The following MADD variants were observed in gnomAD, a reference collection of about 807,000 sequenced individuals.
The protein encoded by MADD is MAP kinase-activating death domain protein.
Under a neutral mutation model 176.7 loss-of-function variants are expected in MADD, and 109 were observed. That is an observed-to-expected ratio of 0.62 (90% CI 0.53 to 0.72). MADD has a LOEUF of 0.72. MADD is among the 30% of genes least tolerant of loss of function. The probability of loss-of-function intolerance (pLI) is 0.00; values close to 1 mark genes in which losing one functional copy is unlikely to be tolerated. For missense variants in MADD, 1,914 were observed against 2,045.5 expected (o/e 0.94, Z 1.24); for synonymous variants, 771 against 771.3 (o/e 1.00, Z 0.01).
At chr11:47,310,957 C>G (rs1454336551) in intron 25 of MADD, among the ~76,000 whole-genome samples, 1 of 151,466 alleles carries the variant, frequency 6.6e-6, no homozygotes, top group African/African-American at 2.4e-5. Flanking sequence ...TTCAGCACAG[C>G]CCTATATCTT....
intron 16 of MADD, 43 bp from the exon 18 acceptor site, chr11:47,289,824 C>T: frequency 6.2e-7 from 1 of 1,605,078 alleles, no homozygotes; most frequent in Non-Finnish European, 8.5e-7. Context: ...GGGTGCTCTG[C>T]AAAGGAGCTG....
chr11:47,324,712 C>G, intron 30 of MADD, 135 bp downstream of exon 33: 1 of 735,184 alleles, frequency 1.4e-6, no homozygotes, highest in Admixed American at 2.0e-5. Context: ...AGCAGCTGGA[C>G]CCAGGAAAGA....
intron 32 of MADD, 91 bp from the exon 37 acceptor site, chr11:47,328,955 G>T: frequency 8.6e-7 from 1 of 1,156,122 alleles, no homozygotes. Context: ...CATGCCCAGT[G>T]TTAGGGCAGG....
At chr11:47,327,382 G>A (rs2095562764) in intron 31 of MADD, 1 of 985,262 alleles carries the variant, frequency 1.0e-6, no homozygotes, top group Admixed American at 6.2e-5. Flanking sequence ...AGTTCCTGCT[G>A]TGTTTGTGCT....
At chr11:47,288,176 G>A (rs2062191344) in intron 15 of MADD, among the ~76,000 whole-genome samples, 1 of 152,188 alleles carries the variant, frequency 6.6e-6, no homozygotes, top group Admixed American at 6.5e-5. Context: ...TGTCATCCTA[G>A]CTACTTGTTA....
At chr11:47,270,606 T>G (rs1050426007) in intron 1 of MADD, 8 of 152,180 alleles carry the variant, frequency 5.3e-5, no homozygotes, top group Non-Finnish European at 1.2e-4. Context: ...TGCTTGTGCG[T>G]GTGCGTGCTT....
intron 5 of MADD, 137 bp from the exon 6 acceptor site, chr11:47,278,028 A>G: frequency 1.5e-6 from 1 of 657,606 alleles, no homozygotes. Flanking sequence ...AAAATTCTGA[A>G]TTTTCAAATA....
At chr11:47,329,424 T>C (rs554623870) in exon 33 of MADD, 1 of 457,644 alleles carries the variant, frequency 2.2e-6, no homozygotes, top group African/African-American at 1.9e-5. Flanking sequence ...GAACCCACTA[T>C]TTTGTGTCCT....
At chr11:47,293,740 G>A in intron 19 of MADD, 143 bp from the exon 22 acceptor site, 1 of 607,750 alleles carries the variant, frequency 1.6e-6, no homozygotes, top group East Asian at 2.8e-5. Flanking sequence ...TTTCCAGTGG[G>A]TCCTGAGTGG....
At chr11:47,277,774 T>C (rs1376690037) in intron 5 of MADD, among the ~76,000 whole-genome samples, 1 of 152,222 alleles carries the variant, frequency 6.6e-6, no homozygotes, top group African/African-American at 2.4e-5. Flanking sequence ...GTGATTCATG[T>C]CTGGGTGGGA....
upstream of MADD, chr11:47,269,705 T>G (rs1958390408): frequency 6.7e-6 from 1 of 148,852 alleles, no homozygotes; most frequent in Non-Finnish European, 1.5e-5. Context: ...GCTCCACCGC[T>G]CGGCAGCCGG....
intron 4 of MADD, 131 bp downstream of exon 4, chr11:47,276,333 C>A: frequency 1.2e-6 from 1 of 825,678 alleles, no homozygotes; most frequent in Non-Finnish European, 1.8e-6. Flanking sequence ...AACATGATGC[C>A]TGGTAAACAG....
intron 26 of MADD, among the ~76,000 whole-genome samples, chr11:47,314,891 G>C (rs6485751): frequency 0.32 from 47,798 of 148,890 alleles, 8,733 homozygotes; most frequent in East Asian, 0.64. Context: ...TATTAAAAAT[G>C]TTTATATTAC....
chr11:47,329,377 A>G, exon 33 of MADD: 1 of 566,178 alleles, frequency 1.8e-6, no homozygotes, highest in Non-Finnish European at 3.2e-6. Context: ...CCTTCCCCTC[A>G]GGGCTCAAGA....
chr11:47,278,530 C>T (rs2052809207), intron 6 of MADD, among the ~76,000 whole-genome samples: 1 of 152,132 alleles, frequency 6.6e-6, no homozygotes. Flanking sequence ...CCATATCCTC[C>T]AAGAGCAGTC....
intron 22 of MADD, among the ~76,000 whole-genome samples, chr11:47,303,029 A>AT (rs927332566): frequency 2.1e-5 from 3 of 143,678 alleles, no homozygotes; most frequent in Non-Finnish European, 1.5e-5. Flanking sequence ...TGACTTCCTC[A>AT]TTTTTTTTTT....
At chr11:47,278,783 A>G (rs2053164359) in intron 6 of MADD, among the ~76,000 whole-genome samples, 1 of 152,252 alleles carries the variant, frequency 6.6e-6, no homozygotes, top group Admixed American at 6.5e-5. Context: ...TAATCCTTTT[A>G]TCTAGAGATA....
intron 26 of MADD, among the ~76,000 whole-genome samples, chr11:47,312,840 T>C (rs1030382616): frequency 1.3e-5 from 2 of 152,254 alleles, no homozygotes; most frequent in African/African-American, 4.8e-5. Context: ...ATGTTTTTAA[T>C]ATTCTTTGTG....
At chr11:47,292,685 C>A in intron 19 of MADD, 89 bp downstream of exon 21, 1 of 1,329,690 alleles carries the variant, frequency 7.5e-7, no homozygotes, top group Non-Finnish European at 1.1e-6. Flanking sequence ...TTTGTCAGCC[C>A]CACCCCAAAT....
Sources: gnomAD v4.1 joint callset for allele counts (sites outside exome capture counted in the v4.1 genomes callset) on GRCh38, gnomAD v4.1.1 for gene constraint, MANE v1.5 for transcripts, NCBI Gene and HGNC (gene_info 2026-07-23, HGNC 2026-07-21) for gene names.